Variants in IQGAP2 observed in about 807,000 individuals in gnomAD.
The protein encoded by IQGAP2 is IQ motif containing GTPase activating protein 2, also known as ras GTPase-activating-like protein IQGAP2.
In IQGAP2, 173 loss-of-function variants were observed where a neutral mutation model predicts 201.3. The ratio of observed to expected loss-of-function variants is 0.86; its 90% CI spans 0.76 to 0.98. The LOEUF (loss-of-function observed/expected upper bound fraction) is 0.98, where lower values mean the gene tolerates loss of function less well. Ranked by LOEUF, IQGAP2 falls within the 50% of genes least tolerant of loss-of-function variation. The pLI is 0.00. For synonymous variants in IQGAP2, 675 were observed against 673.9 expected (o/e 1.00, Z -0.03); for missense variants, 1,687 against 1,864.8 (o/e 0.90, Z 1.76).
chr5:76,443,493 A>C (rs1753175600), intron 1 of IQGAP2, among the ~76,000 whole-genome samples: 1 of 151,818 alleles, frequency 6.6e-6, no homozygotes, highest in Admixed American at 6.6e-5. Context: ...TTAATTAAAA[A>C]AAAATGTGAG....
intron 2 of IQGAP2, among the ~76,000 whole-genome samples, chr5:76,555,282 G>A (rs1743862908): frequency 6.6e-6 from 1 of 152,216 alleles, no homozygotes; most frequent in Admixed American, 6.5e-5. Context: ...TAAGTGTTGA[G>A]TGTATGATGT....
intron 8 of IQGAP2, among the ~76,000 whole-genome samples, chr5:76,591,809 C>G (rs1209288459): frequency 6.6e-6 from 1 of 152,216 alleles, no homozygotes; most frequent in Non-Finnish European, 1.5e-5. Context: ...AAATTGGCCT[C>G]TCTCCTCCTT....
At chr5:76,413,198 T>C (rs1751230088) in intron 1 of IQGAP2, among the ~76,000 whole-genome samples, 5 of 132,066 alleles carry the variant, frequency 3.8e-5, no homozygotes, top group Admixed American at 3.2e-4. Context: ...CGATGGAGTC[T>C]CACTGTGTCG....
At chr5:76,460,578 C>A (rs972667908) in intron 1 of IQGAP2, among the ~76,000 whole-genome samples, 1 of 152,144 alleles carries the variant, frequency 6.6e-6, no homozygotes, top group Non-Finnish European at 1.5e-5. Flanking sequence ...ACATTAAGAC[C>A]TGGACTCTCG....
At chr5:76,691,254 G>A (rs1482268790) in intron 30 of IQGAP2, among the ~76,000 whole-genome samples, 1 of 152,188 alleles carries the variant, frequency 6.6e-6, no homozygotes, top group Non-Finnish European at 1.5e-5. Flanking sequence ...GGCTGTGTGA[G>A]CAGTTTGTCC....
chr5:76,444,157 A>G (rs1753226479), intron 1 of IQGAP2, among the ~76,000 whole-genome samples: 1 of 152,194 alleles, frequency 6.6e-6, no homozygotes, highest in African/African-American at 2.4e-5. Flanking sequence ...AGGCCAAGGC[A>G]GAAAGATCAC....
chr5:76,674,910 C>A (rs1049329703), intron 27 of IQGAP2, among the ~76,000 whole-genome samples: 8 of 152,158 alleles, frequency 5.3e-5, no homozygotes, highest in Non-Finnish European at 1.0e-4. Flanking sequence ...ATCGCACCCC[C>A]ACCACAGCAC....
At chr5:76,404,737 G>A (rs564758595) in intron 1 of IQGAP2, among the ~76,000 whole-genome samples, 2 of 152,222 alleles carry the variant, frequency 1.3e-5, no homozygotes, top group Non-Finnish European at 2.9e-5. Context: ...TGAGGGGGAG[G>A]CCTGAGGACT....
intron 35 of IQGAP2, among the ~76,000 whole-genome samples, chr5:76,704,834 G>A (rs1384104381): frequency 1.3e-5 from 2 of 152,166 alleles, no homozygotes; most frequent in Non-Finnish European, 2.9e-5. Flanking sequence ...AAAGAGAAAT[G>A]TGATGGCCAG....
chr5:76,626,213 G>A (rs1750206543), intron 13 of IQGAP2, among the ~76,000 whole-genome samples: 1 of 146,550 alleles, frequency 6.8e-6, no homozygotes, highest in Non-Finnish European at 1.5e-5. Context: ...TGTGTCTGCA[G>A]TATATATTGC....
chr5:76,506,414 G>T (rs1757608343), intron 2 of IQGAP2, among the ~76,000 whole-genome samples: 1 of 152,144 alleles, frequency 6.6e-6, no homozygotes, highest in Non-Finnish European at 1.5e-5. Flanking sequence ...GAAAGCAGTG[G>T]CATGAACTTA....
intron 2 of IQGAP2, among the ~76,000 whole-genome samples, chr5:76,560,275 C>G (rs1744269645): frequency 6.6e-6 from 1 of 151,974 alleles, no homozygotes; most frequent in Non-Finnish European, 1.5e-5. Context: ...ACCTCAACCC[C>G]CTGAGTAACT....
rs571938449 is a variant in IQGAP2 at position 76,594,089 on chromosome 5, G to A, written c.907+1164G>A. Among the ~76,000 whole-genome samples the A allele has an allele frequency of 5.9e-5, 9 of 152,210 alleles. No individual in the cohort carries two copies. In the East Asian group the frequency reaches 1.5e-3, roughly 26 times the overall value. On this transcript the variant is annotated intron_variant, in intron 9 of 35. Transcript: ENST00000274364. Reference sequence around the variant, plus strand: ...TAAGGTAACACCTTAACATTTTAGGGTGCATGTGCCTGTTGTTTTATTCTT... The same window carrying A: ...TAAGGTAACACCTTAACATTTTAGGATGCATGTGCCTGTTGTTTTATTCTT...
At chr5:76,651,272 A>G (rs1752495328) in intron 17 of IQGAP2, among the ~76,000 whole-genome samples, 1 of 152,216 alleles carries the variant, frequency 6.6e-6, no homozygotes, top group African/African-American at 2.4e-5. Context: ...TTTTATCTCT[A>G]TGCCTTCTTA....
intron 2 of IQGAP2, among the ~76,000 whole-genome samples, chr5:76,505,191 C>T (rs1169547655): frequency 6.6e-6 from 1 of 152,214 alleles, no homozygotes; most frequent in Non-Finnish European, 1.5e-5. Flanking sequence ...GGGCAGACCC[C>T]TCACCAGGTG....
chr5:76,560,844 G>A (rs777122874), intron 2 of IQGAP2, among the ~76,000 whole-genome samples: 6 of 152,120 alleles, frequency 3.9e-5, no homozygotes, highest in Non-Finnish European at 8.8e-5. Flanking sequence ...ACCCTCAGTC[G>A]ATGCCTGAGA....
At chr5:76,677,384 A>AC in intron 28 of IQGAP2, 34 bp downstream of exon 28, 1 of 1,605,814 alleles carries the variant, frequency 6.2e-7, no homozygotes, top group Non-Finnish European at 8.5e-7. Context: ...TTAGCAATGG[A>AC]CCCATGATTT....
intron 2 of IQGAP2, among the ~76,000 whole-genome samples, chr5:76,538,227 G>C (rs548291432): frequency 6.6e-6 from 1 of 152,124 alleles, no homozygotes; most frequent in East Asian, 1.9e-4. Flanking sequence ...TTGCTGTCAC[G>C]AGAACAGCAC....
At chr5:76,606,380 G>A (rs1315792421) in intron 12 of IQGAP2, 77 bp downstream of exon 12, 2 of 1,334,936 alleles carry the variant, frequency 1.5e-6, no homozygotes, top group African/African-American at 1.5e-5. Flanking sequence ...CTAGATTAGG[G>A]CTTTAAGTTT....
Sources: gnomAD v4.1 joint callset for allele counts (sites outside exome capture counted in the v4.1 genomes callset) on GRCh38, gnomAD v4.1.1 for gene constraint, MANE v1.5 for transcripts, NCBI Gene and HGNC (gene_info 2026-07-23, HGNC 2026-07-21) for gene names.